POLK: variants seen among roughly 807,000 people sequenced by gnomAD.
POLK encodes polymerase (DNA directed) kappa.
POLK carries 76 observed loss-of-function variants against 94.0 expected under a neutral mutation model. The observed-to-expected ratio is 0.81, with a 90% CI of 0.67 to 0.98. The LOEUF is 0.98. POLK is among the 50% of genes least tolerant of loss of function. The pLI is 0.00. For synonymous variants in POLK, 349 were observed against 325.4 expected (o/e 1.07, Z -0.78); for missense variants, 954 against 1,010.1 (o/e 0.94, Z 0.75).
intron 1 of POLK, among the ~76,000 whole-genome samples, chr5:75,527,502 T>TAC (rs58797043): frequency 0.1 from 13,531 of 132,848 alleles, 682 homozygotes; most frequent in South Asian, 0.17. Flanking sequence ...AATTTATATA[T>TAC]ACACACACAC....
At chr5:75,581,739 G>T (rs1247865046) in intron 7 of POLK, 13 of 255,816 alleles carry the variant, frequency 5.1e-5, no homozygotes, top group African/African-American at 4.7e-5. Context: ...GCAGTGGGGC[G>T]ATCTCATTCA....
At chr5:75,526,443 ATT>A (rs1378889911) in intron 1 of POLK, among the ~76,000 whole-genome samples, 2 of 151,700 alleles carry the variant, frequency 1.3e-5, no homozygotes, top group African/African-American at 4.8e-5. Context: ...TTATCCAATC[ATT>A]CTTTGTCCCA....
intron 3 of POLK, among the ~76,000 whole-genome samples, chr5:75,566,400 A>G (rs1251945110): frequency 6.6e-6 from 1 of 152,106 alleles, no homozygotes; most frequent in Non-Finnish European, 1.5e-5. Flanking sequence ...GCGTTCAGGC[A>G]CCACTGGGGT....
At chr5:75,525,093 A>G (rs1415803339) in intron 1 of POLK, among the ~76,000 whole-genome samples, 1 of 152,222 alleles carries the variant, frequency 6.6e-6, no homozygotes, top group Admixed American at 6.5e-5. Flanking sequence ...TTCTTACAAC[A>G]TAGCATTTAC....
At chr5:75,594,098 C>G (rs1313865338) in intron 12 of POLK, 49 bp downstream of exon 12, 1 of 1,383,986 alleles carries the variant, frequency 7.2e-7, no homozygotes, top group South Asian at 1.4e-5. Context: ...CTAGATTTTC[C>G]CAAATAATCA....
chr5:75,512,615 G>C (rs1407375871), intron 1 of POLK: 1 of 152,202 alleles, frequency 6.6e-6, no homozygotes, highest in Non-Finnish European at 1.5e-5. Flanking sequence ...GGTTGAATTA[G>C]CAGAAAGACC....
At chr5:75,571,433 A>G (rs1346784560) in intron 4 of POLK, among the ~76,000 whole-genome samples, 2 of 152,180 alleles carry the variant, frequency 1.3e-5, no homozygotes, top group African/African-American at 2.4e-5. Flanking sequence ...GTGGACAGCC[A>G]AAATTTATTT....
chr5:75,568,715 A>G (rs1771417289), intron 3 of POLK: 1 of 438,130 alleles, frequency 2.3e-6, no homozygotes, highest in African/African-American at 2.0e-5. Context: ...GCAATTCTAC[A>G]GAGGAACATT....
At chr5:75,586,969 G>T in intron 9 of POLK, 57 bp from the exon 10 acceptor site, 1 of 1,240,942 alleles carries the variant, frequency 8.1e-7, no homozygotes, top group Middle Eastern at 1.9e-4. Context: ...AATCCTCTTG[G>T]TTAACTAAAA....
At chr5:75,529,593 G>T (rs1178118013) in intron 1 of POLK, among the ~76,000 whole-genome samples, 1 of 152,108 alleles carries the variant, frequency 6.6e-6, no homozygotes, top group African/African-American at 2.4e-5. Context: ...CTATTGTTTA[G>T]AGAATAATGA....
rs3797579 is a variant in POLK, at chr5:75,574,232, A to G, written c.540+363A>G. 1.4e-3 allele frequency among the ~76,000 whole-genome samples: 220 copies of G among 152,296 alleles called. 6 individuals carry two copies. In the East Asian group the frequency reaches 0.034, roughly 23 times the overall value. On this transcript the variant is annotated intron_variant, in intron 5 of 14. Coordinates refer to ENST00000241436, the Ensembl canonical transcript of POLK. ...TATTTATAACTTACAGAATCTACTC[A>G]TCATTAATTTCAACCTATTGTCTGA...
intron 1 of POLK, among the ~76,000 whole-genome samples, chr5:75,531,179 C>T (rs371328625): frequency 8.6e-5 from 13 of 151,552 alleles, no homozygotes; most frequent in South Asian, 8.3e-4. Context: ...ACAGGTTCTA[C>T]GGGAAAAAGT....
At position 75,526,485 on chromosome 5, in the gene POLK, C is replaced by T. The variant is rs183446578; in HGVS notation, c.-14+14571C>T. On this transcript the variant is annotated intron_variant, in intron 1 of 14. Transcript: ENST00000241436. ...GTACCCTTTTGTTTGTTTTGTTTGT[C>T]TCCTTATTTCTTTTTCAATATTTTT... Among the ~76,000 whole-genome samples, 132 of 149,680 alleles carry T rather than the reference C, an allele frequency of 8.8e-4. 1 individual carries two copies. The highest frequency in any genetic ancestry group is 4.8e-4 in the Non-Finnish European group (32 of 67,310).
At chr5:75,556,667 T>C (rs1308694784) in intron 3 of POLK, among the ~76,000 whole-genome samples, 1 of 152,134 alleles carries the variant, frequency 6.6e-6, no homozygotes, top group Non-Finnish European at 1.5e-5. Flanking sequence ...AGGTCTGTGA[T>C]TCATTTGAGT....
intron 1 of POLK, among the ~76,000 whole-genome samples, chr5:75,536,142 C>A (rs993612722): frequency 2.0e-5 from 3 of 151,754 alleles, no homozygotes; most frequent in African/African-American, 7.3e-5. Flanking sequence ...TCTTTGATGC[C>A]CTTGGGGATT....
intron 14 of POLK, 42 bp from the exon 15 acceptor site, chr5:75,597,892 A>G (rs775031696): frequency 8.3e-7 from 1 of 1,200,374 alleles, no homozygotes; most frequent in African/African-American, 1.6e-5. Context: ...ATTTTCTAGA[A>G]TCTCTTCCTG....
chr5:75,587,186 A>T (rs1772518621), intron 10 of POLK, 128 bp downstream of exon 10: 1 of 569,798 alleles, frequency 1.8e-6, no homozygotes, highest in Non-Finnish European at 3.1e-6. Flanking sequence ...AGTTTTTAGT[A>T]GTTTACACTC....
chr5:75,576,161 G>A (rs989025559), intron 5 of POLK, among the ~76,000 whole-genome samples: 15 of 152,072 alleles, frequency 9.9e-5, no homozygotes, highest in Non-Finnish European at 1.9e-4. Context: ...ATCATTTAAG[G>A]TAATCATGGA....
At chr5:75,535,264 G>A (rs370843331) in intron 1 of POLK, among the ~76,000 whole-genome samples, 121 of 152,236 alleles carry the variant, frequency 7.9e-4, no homozygotes, top group African/African-American at 2.8e-3. Context: ...TTTTTTTAAA[G>A]AATGCTGAAT....
Sources: gnomAD v4.1 joint callset for allele counts (sites outside exome capture counted in the v4.1 genomes callset) on GRCh38, gnomAD v4.1.1 for gene constraint, MANE v1.5 for transcripts, NCBI Gene and HGNC (gene_info 2026-07-23, HGNC 2026-07-21) for gene names.